CPXM2: variants seen among roughly 807,000 people sequenced by gnomAD.
CPXM2 encodes inactive carboxypeptidase-like protein X2.
Under a neutral mutation model 86.1 loss-of-function variants are expected in CPXM2, and 66 were observed. The ratio of observed to expected loss-of-function variants is 0.77; its 90% CI spans 0.63 to 0.94. The LOEUF is 0.94. Among genes scored for constraint, CPXM2 ranks in the 40% least tolerant of loss-of-function variants. The pLI, the probability that CPXM2 is intolerant of heterozygous loss-of-function variation, is 0.00. For synonymous variants in CPXM2, 388 were observed against 400.2 expected, an observed-to-expected ratio of 0.97 and a Z score of 0.36; for missense variants, 948 against 1,026.3, an observed-to-expected ratio of 0.92 and a Z score of 1.04.
At chr10:123,939,967 G>T (rs1945759044) in intron 1 of CPXM2, among the ~76,000 whole-genome samples, 1 of 152,198 alleles carries the variant, frequency 6.6e-6, no homozygotes. Flanking sequence ...GCATCTGCAG[G>T]ACTTGAAGTC....
chr10:123,907,144 C>G (rs117488370), intron 2 of CPXM2, among the ~76,000 whole-genome samples: 1 of 152,172 alleles, frequency 6.6e-6, no homozygotes. Flanking sequence ...CGAGTGTTTA[C>G]GAGAGACTGC....
At chr10:123,888,348 A>T (rs901708002) in intron 1 of CPXM2, among the ~76,000 whole-genome samples, 10 of 152,188 alleles carry the variant, frequency 6.6e-5, no homozygotes. Context: ...TTATACTGTT[A>T]TGCATCTCTA....
chr10:123,813,616 AAC>A (rs543294733), intron 4 of CPXM2, among the ~76,000 whole-genome samples: 91 of 152,326 alleles, frequency 6.0e-4, no homozygotes, highest in South Asian at 4.8e-3. Flanking sequence ...CCTTTCTCAA[AAC>A]ACAGAGGCCA....
chr10:123,829,131 G>T (rs1462989719), intron 4 of CPXM2, among the ~76,000 whole-genome samples: 1 of 152,090 alleles, frequency 6.6e-6, no homozygotes, highest in African/African-American at 2.4e-5. Context: ...ATTCAACATC[G>T]CTAGCTATTA....
intron 2 of CPXM2, among the ~76,000 whole-genome samples, chr10:123,874,019 CA>C (rs1478176259): frequency 5.3e-5 from 8 of 151,950 alleles, no homozygotes; most frequent in Non-Finnish European, 8.8e-5. Flanking sequence ...ATCACCACGC[CA>C]GGGTAATTTT....
chr10:123,842,508 T>C lies in CPXM2; in HGVS notation c.514-20A>G. ...GCCCGCCTAGAAAGAAAGAAAGCGGTGTTCTTCAAAAAGACTCTTAATTGA... is the reference window on the plus strand; with the variant it reads ...GCCCGCCTAGAAAGAAAGAAAGCGGCGTTCTTCAAAAAGACTCTTAATTGA... On this transcript the variant is annotated intron_variant, in intron 3 of 13. Transcript: ENST00000241305. The C allele has an allele frequency of 1.2e-6, 2 of 1,611,150 alleles. No homozygotes were observed. The highest frequency in any genetic ancestry group is 1.7e-6 in the Non-Finnish European group (2 of 1,177,542).
At chr10:123,775,718 T>A (rs553486416) in intron 7 of CPXM2, among the ~76,000 whole-genome samples, 32 of 152,220 alleles carry the variant, frequency 2.1e-4, no homozygotes, top group Non-Finnish European at 3.5e-4. Flanking sequence ...CATAAGCATC[T>A]TTCCCACATG....
At chr10:123,851,142 T>C (rs891744859) in intron 3 of CPXM2, among the ~76,000 whole-genome samples, 5 of 152,206 alleles carry the variant, frequency 3.3e-5, no homozygotes, top group African/African-American at 9.6e-5. Context: ...CATTGCTCCA[T>C]AACCACAGTG....
rs115615160 is a variant in CPXM2 at position 123,932,705 on chromosome 10, G to A, written n.174+6772C>T. On this transcript the variant is annotated intron_variant and non_coding_transcript_variant, in intron 2 of 19. Transcript: ENST00000368854. The stretch of plus-strand genomic sequence containing the variant: ...AGGTGAATCAATTTACATAAGGAAC[G>A]CAAGAGCCTACTGCGGAAGGAGGGT... Among the ~76,000 whole-genome samples the A allele has an allele frequency of 2.7e-3, 418 of 152,298 alleles. 2 individuals are homozygous for A. Among genetic ancestry groups the A allele is most frequent in the African/African-American group, 9.6e-3 (399 of 41,562 alleles).
At chr10:123,852,496 C>A (rs962375162) in intron 3 of CPXM2, among the ~76,000 whole-genome samples, 1 of 152,236 alleles carries the variant, frequency 6.6e-6, no homozygotes, top group Non-Finnish European at 1.5e-5. Context: ...CAGGCCTCTG[C>A]TTCAATGCTT....
chr10:123,762,101 C>G lies in CPXM2; in HGVS notation c.1548G>C (p.Leu516=), dbSNP rs1208125954. The change falls in exon 11 of 14, where the codon CTG becomes CTC. Residue 516 remains leucine (L), a synonymous_variant. Transcript: ENST00000241305. The stretch of plus-strand genomic sequence containing the variant: ...ACGCCACCACCAGCTCGCCGCCCTG[C>G]AGGTTGCCGCCCAGCACAAAAGGGA... ...EKIPFVLGGN[L]QGGELVVAYP... is the part of the protein sequence containing the mutation. 2 of 1,614,012 alleles carry G rather than the reference C, an allele frequency of 1.2e-6. No individual in the cohort carries two copies. Among genetic ancestry groups the G allele is most frequent in the Non-Finnish European group, 1.7e-6 (2 of 1,180,030 alleles).
At chr10:123,817,301 T>G (rs1847832934) in intron 4 of CPXM2, among the ~76,000 whole-genome samples, 1 of 152,164 alleles carries the variant, frequency 6.6e-6, no homozygotes, top group Non-Finnish European at 1.5e-5. Flanking sequence ...CAATGGTGCT[T>G]GAGGCGTCAG....
At chr10:123,925,818 T>C (rs1385647642) in intron 2 of CPXM2, among the ~76,000 whole-genome samples, 1 of 152,212 alleles carries the variant, frequency 6.6e-6, no homozygotes. Context: ...GGCTCTGTTC[T>C]AGAAACAACA....
chr10:123,916,234 A>G (rs964144034), intron 2 of CPXM2, among the ~76,000 whole-genome samples: 3 of 152,144 alleles, frequency 2.0e-5, no homozygotes, highest in African/African-American at 7.2e-5. Context: ...GCAAAATGCT[A>G]TTATATGTGG....
chr10:123,856,746 C>T (rs28566026), intron 3 of CPXM2, among the ~76,000 whole-genome samples: 22,467 of 152,076 alleles, frequency 0.15, 1,764 homozygotes, highest in Middle Eastern at 0.19. Context: ...CGTGTGCCAC[C>T]ACGCCCGGCT....
chr10:123,835,697 GAGA>G (rs1224491737), intron 4 of CPXM2, among the ~76,000 whole-genome samples: 5 of 152,320 alleles, frequency 3.3e-5, no homozygotes, highest in African/African-American at 4.8e-5. Flanking sequence ...CCTCTCTCCT[GAGA>G]AGATGGGTGA....
chr10:123,751,195 AC>A, intron 13 of CPXM2: 1 of 269,850 alleles, frequency 3.7e-6, no homozygotes, highest in Non-Finnish European at 5.7e-6. Context: ...AGAGTGCAGC[AC>A]CCATAAGCCA....
chr10:123,847,854 C>T (rs80009936), intron 3 of CPXM2, among the ~76,000 whole-genome samples: 1 of 152,224 alleles, frequency 6.6e-6, no homozygotes, highest in East Asian at 1.9e-4. Context: ...CAGTGAATAT[C>T]AAAATCATTC....
intron 4 of CPXM2, among the ~76,000 whole-genome samples, chr10:123,823,956 A>T (rs1847987507): frequency 6.6e-6 from 1 of 152,234 alleles, no homozygotes; most frequent in African/African-American, 2.4e-5. Flanking sequence ...CTTTTAAACT[A>T]CAAAATAATT....
Sources: gnomAD v4.1 joint callset for allele counts (sites outside exome capture counted in the v4.1 genomes callset) on GRCh38, gnomAD v4.1.1 for gene constraint, MANE v1.5 for transcripts, NCBI Gene and HGNC (gene_info 2026-07-23, HGNC 2026-07-21) for gene names.